Variants in CD99 observed in about 807,000 individuals in gnomAD.
CD99 encodes CD99 antigen.
In CD99, 19 loss-of-function variants were observed where a neutral mutation model predicts 28.4. That is an observed-to-expected ratio of 0.67 (90% CI 0.47 to 0.98). The LOEUF is 0.98. CD99 is among the 50% of genes least tolerant of loss of function. CD99 has a pLI of 0.00. For missense variants in CD99, 283 were observed against 248.8 expected, an observed-to-expected ratio of 1.14 and a Z score of -0.92; for synonymous variants, 103 against 92.1, an observed-to-expected ratio of 1.12 and a Z score of -0.67.
chrX:2,732,698 G>C (rs1302440556), intron 8 of CD99, among the ~76,000 whole-genome samples: 1 of 116,988 alleles, frequency 8.5e-6, no homozygotes, highest in East Asian at 2.4e-4. Context: ...TTCTTCTTAT[G>C]TACCTCTTTC....
At chrX:2,739,332 TTTTTA>T (rs902325518) in intron 9 of CD99, among the ~76,000 whole-genome samples, 4 of 152,222 alleles carry the variant, frequency 2.6e-5, no homozygotes, top group African/African-American at 9.6e-5. Context: ...TGCGTGTATT[TTTTTA>T]TTTTGTTTGT....
intron 8 of CD99, among the ~76,000 whole-genome samples, chrX:2,731,136 G>A (rs1026608910): frequency 2.6e-5 from 4 of 152,098 alleles, no homozygotes; most frequent in South Asian, 4.2e-4. Flanking sequence ...CGAGTTATCC[G>A]GAAGACGAAA....
chrX:2,722,305 CT>C (rs2049029804), intron 5 of CD99, among the ~76,000 whole-genome samples: 1 of 152,020 alleles, frequency 6.6e-6, no homozygotes, highest in Non-Finnish European at 1.5e-5. Context: ...CGTTTTTCCA[CT>C]TTATTTATGG....
chrX:2,706,246 G>C (rs2048109810), intron 1 of CD99, among the ~76,000 whole-genome samples: 1 of 152,084 alleles, frequency 6.6e-6, no homozygotes. Context: ...TGTAGTCCCA[G>C]CTACTCGGGA....
At chrX:2,709,175 A>T (rs984583741) in intron 1 of CD99, among the ~76,000 whole-genome samples, 3 of 85,662 alleles carry the variant, frequency 3.5e-5, no homozygotes, top group Non-Finnish European at 1.1e-4. Flanking sequence ...ACAGACACAC[A>T]TGTGCATGCA....
At chrX:2,711,573 A>G (rs2124536414) in intron 1 of CD99, among the ~76,000 whole-genome samples, 1 of 152,226 alleles carries the variant, frequency 6.6e-6, no homozygotes, top group East Asian at 1.9e-4. Flanking sequence ...CCATCAAGGG[A>G]TGAATGCAGA....
chrX:2,691,752 A>C (rs1250910890), intron 1 of CD99: 9 of 746,416 alleles, frequency 1.2e-5, no homozygotes, highest in Non-Finnish European at 2.2e-5. Context: ...CTCCCTTTGC[A>C]TGAGCCCCTC....
At chrX:2,731,889 A>T (rs568071026) in intron 8 of CD99, among the ~76,000 whole-genome samples, 17 of 152,162 alleles carry the variant, frequency 1.1e-4, no homozygotes, top group Non-Finnish European at 2.5e-4. Flanking sequence ...TCTGTCTGTT[A>T]TAGGTTGGTG....
At chrX:2,710,949 C>T (rs992066925) in intron 1 of CD99, among the ~76,000 whole-genome samples, 11 of 141,850 alleles carry the variant, frequency 7.8e-5, no homozygotes, top group Admixed American at 3.0e-4. Flanking sequence ...CTGCTCACTG[C>T]AACCTCTACT....
At chrX:2,697,482 A>G (rs28734886) in intron 1 of CD99, among the ~76,000 whole-genome samples, 33,631 of 152,044 alleles carry the variant, frequency 0.22, 3,811 homozygotes, top group Middle Eastern at 0.27. Context: ...GAGTTTGCCC[A>G]GGTAGCCTGA....
chrX:2,720,534 C>A, intron 5 of CD99, 110 bp downstream of exon 5: 1 of 962,276 alleles, frequency 1.0e-6, no homozygotes, highest in Non-Finnish European at 1.7e-6. Flanking sequence ...CTGTTGACTG[C>A]CTGTGCAGTG....
chrX:2,726,427 G>A lies in CD99; in HGVS notation c.475+54G>A, dbSNP rs752915321. Reference sequence around the variant, plus strand: ...TTCATGCCTTGCTGATTGGAAAACTGTGCTTTCTTTAAAAGGCAGAAACCA... The same window carrying A: ...TTCATGCCTTGCTGATTGGAAAACTATGCTTTCTTTAAAAGGCAGAAACCA... On this transcript the variant is annotated intron_variant, in intron 8 of 9. Coordinates refer to ENST00000381192, the MANE Select transcript of CD99 (RefSeq NM_002414.5). 9 of 1,187,868 alleles carry A rather than the reference G, an allele frequency of 7.6e-6. No individual in the cohort carries two copies. In the South Asian group the frequency reaches 8.5e-5, roughly 11 times the overall value. 73.6% of individuals were successfully genotyped at this position (1,187,868 alleles called of 1,614,324 possible). A position where few individuals can be genotyped will look rare whatever the true frequency, so the allele number is the denominator to read the frequency against.
intron 1 of CD99, among the ~76,000 whole-genome samples, chrX:2,693,748 G>C (rs1007449846): frequency 1.3e-5 from 2 of 152,126 alleles, no homozygotes; most frequent in African/African-American, 4.8e-5. Context: ...GGGATGGATG[G>C]ACAGAGGGAG....
intron 1 of CD99, among the ~76,000 whole-genome samples, chrX:2,699,419 C>T (rs1287003975): frequency 8.0e-5 from 12 of 150,684 alleles, no homozygotes; most frequent in Non-Finnish European, 1.5e-4. Context: ...CTGCCCACCT[C>T]GGCTTCCCAA....
intron 1 of CD99, among the ~76,000 whole-genome samples, chrX:2,699,595 C>T (rs1457549579): frequency 1.3e-5 from 2 of 151,982 alleles, no homozygotes; most frequent in East Asian, 3.9e-4. Context: ...CTCAGCCTCC[C>T]TCAGGCGTGA....
intron 8 of CD99, among the ~76,000 whole-genome samples, chrX:2,734,644 T>C (rs1289384454): frequency 6.6e-6 from 1 of 151,494 alleles, no homozygotes; most frequent in African/African-American, 2.4e-5. Context: ...CTTATTTCTT[T>C]TTTCTTATTT....
chrX:2,723,515 T>C, intron 7 of CD99, 151 bp downstream of exon 7: 1 of 844,758 alleles, frequency 1.2e-6, no homozygotes. Context: ...TGCTCCCAAG[T>C]GATGTAGCTG....
intron 8 of CD99, among the ~76,000 whole-genome samples, chrX:2,736,835 C>T (rs375549377): frequency 2.6e-4 from 39 of 151,134 alleles, no homozygotes; most frequent in African/African-American, 8.8e-4. Flanking sequence ...CCAGCCTGGG[C>T]GACAGAGCGA....
intron 1 of CD99, among the ~76,000 whole-genome samples, chrX:2,697,672 A>G (rs1416087237): frequency 3.3e-5 from 5 of 152,114 alleles, no homozygotes; most frequent in Non-Finnish European, 7.4e-5. Context: ...TTTAGGGCCA[A>G]TGGACTTGGA....
Sources: gnomAD v4.1 joint callset for allele counts (sites outside exome capture counted in the v4.1 genomes callset) on GRCh38, gnomAD v4.1.1 for gene constraint, MANE v1.5 for transcripts, NCBI Gene and HGNC (gene_info 2026-07-23, HGNC 2026-07-21) for gene names.